Variants in PKIB observed in about 807,000 individuals in gnomAD.
The protein encoded by PKIB is PKI-beta.
In PKIB, 2 loss-of-function variants were observed where a neutral mutation model predicts 4.5. That is an observed-to-expected ratio of 0.44 (90% CI 0.18 to 1.39). PKIB has a LOEUF of 1.39. Among genes scored for constraint, PKIB ranks in the 40% most tolerant of loss-of-function variants. The pLI is 0.27. For synonymous variants in PKIB, 38 were observed against 36.0 expected (o/e 1.06, Z -0.20); for missense variants, 94 against 92.6 (o/e 1.02, Z -0.06).
At chr6:122,476,597 A>G (rs1422249343) in intron 1 of PKIB, among the ~76,000 whole-genome samples, 1 of 152,210 alleles carries the variant, frequency 6.6e-6, no homozygotes, top group African/African-American at 2.4e-5. Context: ...ATAGATGTCT[A>G]CAAAAATAAG....
At chr6:122,695,429 ATAAG>A (rs774419216) in intron 3 of PKIB, among the ~76,000 whole-genome samples, 2 of 151,974 alleles carry the variant, frequency 1.3e-5, no homozygotes, top group African/African-American at 4.8e-5. Context: ...AGAACAAAAA[ATAAG>A]TTTTTTCAAA....
chr6:122,712,969 G>A (rs1017185949), intron 3 of PKIB, among the ~76,000 whole-genome samples: 2 of 152,042 alleles, frequency 1.3e-5, no homozygotes, highest in African/African-American at 2.4e-5. Context: ...TCTGACTGGT[G>A]ATTTTTTAAT....
At chr6:122,488,701 A>G (rs942075476) in intron 2 of PKIB, among the ~76,000 whole-genome samples, 3 of 152,004 alleles carry the variant, frequency 2.0e-5, no homozygotes, top group Non-Finnish European at 4.4e-5. Context: ...CTCTTGTTCT[A>G]CGTTAGAGAA....
chr6:122,701,183 GAAC>G (rs1778799417), intron 3 of PKIB: 7 of 365,408 alleles, frequency 1.9e-5, no homozygotes, highest in Non-Finnish European at 3.0e-5. Flanking sequence ...ACCTTTGCAT[GAAC>G]AACAATGGCA....
At chr6:122,647,399 A>G (rs1279156010) in intron 2 of PKIB, among the ~76,000 whole-genome samples, 1 of 152,218 alleles carries the variant, frequency 6.6e-6, no homozygotes, top group Non-Finnish European at 1.5e-5. Flanking sequence ...AGGTTGACGC[A>G]TGAAGCTGAT....
At chr6:122,489,240 ATTATTATTG>A (rs1171007432) in intron 2 of PKIB, among the ~76,000 whole-genome samples, 3 of 150,584 alleles carry the variant, frequency 2.0e-5, no homozygotes, top group African/African-American at 7.3e-5. Context: ...TATTATTATT[ATTATTATTG>A]TTATTATTAT....
At chr6:122,704,904 TA>T (rs1778994487) in intron 3 of PKIB, among the ~76,000 whole-genome samples, 1 of 152,138 alleles carries the variant, frequency 6.6e-6, no homozygotes, top group African/African-American at 2.4e-5. Flanking sequence ...CAAAAAGTTT[TA>T]AAATTAGGCA....
At chr6:122,528,483 C>T (rs746958200) in intron 2 of PKIB, among the ~76,000 whole-genome samples, 1 of 152,160 alleles carries the variant, frequency 6.6e-6, no homozygotes, top group African/African-American at 2.4e-5. Flanking sequence ...AAGGTCCCTG[C>T]ATGGTTAGGG....
intron 2 of PKIB, among the ~76,000 whole-genome samples, chr6:122,508,122 C>T (rs1341845810): frequency 6.6e-6 from 1 of 152,108 alleles, no homozygotes; most frequent in East Asian, 1.9e-4. Flanking sequence ...AGATCTGCTA[C>T]AGTAGTCTGG....
intron 2 of PKIB, among the ~76,000 whole-genome samples, chr6:122,531,857 A>G (rs1332622390): frequency 6.6e-6 from 1 of 152,246 alleles, no homozygotes; most frequent in African/African-American, 2.4e-5. Flanking sequence ...TGCTTGGCAC[A>G]AAGTAGCTTA....
chr6:122,619,151 TTTTA>T (rs35805884), intron 1 of PKIB, among the ~76,000 whole-genome samples: 34,571 of 151,824 alleles, frequency 0.23, 4,309 homozygotes, highest in Non-Finnish European at 0.29. Flanking sequence ...ATTTTACAAA[TTTTA>T]AATGTTTTCT....
chr6:122,714,073 C>T (rs1442809739), intron 3 of PKIB, among the ~76,000 whole-genome samples: 1 of 152,112 alleles, frequency 6.6e-6, no homozygotes, highest in African/African-American at 2.4e-5. Context: ...AATCTCTTTG[C>T]TTTGGAGTTT....
chr6:122,677,903 C>T lies in PKIB; in HGVS notation c.-9+2759C>T, dbSNP rs1012394383. Among the ~76,000 whole-genome samples the T allele has an allele frequency of 2.1e-5, 3 of 144,064 alleles. No individual in the cohort carries two copies. The South Asian group carries it at 6.6e-4, about 32-fold the overall frequency. The allele number at this position is 144,064 out of a possible 152,430, so 94.5% of individuals were successfully genotyped here. A position where few individuals can be genotyped will look rare whatever the true frequency, so the allele number is the denominator to read the frequency against. Reference sequence around the variant, plus strand: ...CCTTCCTTCCTTCCTTTCTTTCTTTCTTTCCTCTTTCTTTTTTTGTTTGAA... The same window carrying T: ...CCTTCCTTCCTTCCTTTCTTTCTTTTTTTCCTCTTTCTTTTTTTGTTTGAA... On this transcript the variant is annotated intron_variant, in intron 3 of 4. Coordinates refer to ENST00000368452, the MANE Select transcript of PKIB (RefSeq NM_181795.3).
intron 2 of PKIB, among the ~76,000 whole-genome samples, chr6:122,492,330 A>G (rs1775960833): frequency 6.6e-6 from 1 of 152,128 alleles, no homozygotes; most frequent in Non-Finnish European, 1.5e-5. Context: ...AGCAAGTAGA[A>G]TTCAGGTTAT....
intron 3 of PKIB, among the ~76,000 whole-genome samples, chr6:122,676,473 G>A (rs943767785): frequency 3.9e-5 from 6 of 152,142 alleles, no homozygotes; most frequent in African/African-American, 1.4e-4. Context: ...TGCAACTAAA[G>A]TCTGGAGCTG....
intron 2 of PKIB, among the ~76,000 whole-genome samples, chr6:122,658,334 C>T (rs10457437): frequency 0.27 from 40,981 of 151,978 alleles, 6,327 homozygotes; most frequent in Non-Finnish European, 0.35. Context: ...AGTGATGAAT[C>T]AGATTTGATT....
At chr6:122,662,391 C>T (rs1369947538) in intron 2 of PKIB, among the ~76,000 whole-genome samples, 1 of 129,352 alleles carries the variant, frequency 7.7e-6, no homozygotes, top group Admixed American at 9.5e-5. Flanking sequence ...TCTGGGCTCA[C>T]TGCAACCTCC....
intron 3 of PKIB, among the ~76,000 whole-genome samples, chr6:122,602,589 CA>C (rs1184681984): frequency 6.6e-6 from 1 of 151,792 alleles, no homozygotes; most frequent in Non-Finnish European, 1.5e-5. Context: ...CAAAAAAAGA[CA>C]AAAAACAAAC....
At chr6:122,529,483 G>A (rs957645905) in intron 2 of PKIB, among the ~76,000 whole-genome samples, 7 of 152,146 alleles carry the variant, frequency 4.6e-5, no homozygotes, top group South Asian at 2.1e-4. Context: ...TACAAGTCAC[G>A]ATATTTGTCT....
Sources: gnomAD v4.1 joint callset for allele counts (sites outside exome capture counted in the v4.1 genomes callset) on GRCh38, gnomAD v4.1.1 for gene constraint, MANE v1.5 for transcripts, NCBI Gene and HGNC (gene_info 2026-07-23, HGNC 2026-07-21) for gene names.